Variants in TRIO observed in about 807,000 individuals in gnomAD.
TRIO encodes the protein trio Rho guanine nucleotide exchange factor.
In TRIO, 58 loss-of-function variants were observed where a neutral mutation model predicts 351.9. The ratio of observed to expected loss-of-function variants is 0.16; its 90% CI spans 0.13 to 0.21. The LOEUF is 0.21. Among genes scored for constraint, TRIO ranks in the 10% least tolerant of loss-of-function variants. The pLI is 1.00. For synonymous variants in TRIO, 1,758 were observed against 1,595.7 expected, an observed-to-expected ratio of 1.10 and a Z score of -2.42; for missense variants, 3,201 against 4,027.8, an observed-to-expected ratio of 0.79 and a Z score of 5.56.
Position 14,445,008 on chromosome 5 carries a change from G to A in TRIO, c.5204-16011G>A, listed in dbSNP as rs79698080. On this transcript the variant is annotated intron_variant, in intron 34 of 56. Transcript: ENST00000344204. ...GAGCAGGCACCCTCCTCGTTTAACTGTAATCTGTCTTTGGTATGTGCTCTT... is the reference window on the plus strand; with the variant it reads ...GAGCAGGCACCCTCCTCGTTTAACTATAATCTGTCTTTGGTATGTGCTCTT... Among the ~76,000 whole-genome samples, 192 of 152,294 alleles carry A rather than the reference G, an allele frequency of 1.3e-3. 1 individual carries two copies. The highest frequency in any genetic ancestry group is 4.2e-3 in the African/African-American group (176 of 41,552).
chr5:14,460,682 TC>T (rs1190441776), intron 34 of TRIO, among the ~76,000 whole-genome samples: 2 of 152,226 alleles, frequency 1.3e-5, no homozygotes, highest in African/African-American at 4.8e-5. Context: ...TCCTCCAATG[TC>T]CGCAGTACCA....
In TRIO at chr5:14,492,593, C is replaced by G; in HGVS notation, c.7659C>G (p.Ile2553Met). 6.2e-7 allele frequency: 1 copy of G among 1,614,112 alleles called. No individual in the cohort carries two copies. The highest frequency in any genetic ancestry group is 8.5e-7 in the Non-Finnish European group (1 of 1,180,012). Residue 2553 changes from isoleucine (I) to methionine (M), a missense_variant, in exon 49 of 57, where the codon ATC becomes ATG. Ile to Met is a conservative substitution (Grantham distance 10). Transcript: ENST00000344204. The stretch of plus-strand genomic sequence containing the variant: ...GTGAAAGCAGCAGCAGTAGCAACAT[C>G]TCCACCATGTTGGTGACACACGATT... The part of the protein sequence containing the change: ...NGSESSSSSN[I>M]STMLVTHDYT...
In TRIO at chr5:14,232,233, G is replaced by A. The variant is rs530465822; in HGVS notation, c.158-38592G>A. On this transcript the variant is annotated intron_variant, in intron 1 of 56. Coordinates refer to ENST00000344204, the MANE Select transcript of TRIO (RefSeq NM_007118.4). Reference sequence around the variant, plus strand: ...TTTCTGCCATATGGGGGCTTCTCCCGGTTCCGTGAGTGAGGCATGCCCTCC... The same window carrying A: ...TTTCTGCCATATGGGGGCTTCTCCCAGTTCCGTGAGTGAGGCATGCCCTCC... Among the ~76,000 whole-genome samples the A allele has an allele frequency of 1.1e-4, 16 of 152,240 alleles. No individual in the cohort carries two copies. In the South Asian group the frequency reaches 2.7e-3, roughly 26 times the overall value.
At chr5:14,318,643 A>T (rs1439968877) in intron 9 of TRIO, among the ~76,000 whole-genome samples, 1 of 152,210 alleles carries the variant, frequency 6.6e-6, no homozygotes, top group African/African-American at 2.4e-5. Flanking sequence ...TGCCAGAGAA[A>T]GAATACAGTG....
intron 48 of TRIO, 87 bp downstream of exon 48, chr5:14,488,347 TCGGCTG>T: frequency 4.8e-6 from 7 of 1,473,464 alleles, no homozygotes; most frequent in Non-Finnish European, 6.3e-6. Flanking sequence ...TCTCACTAAC[TCGGCTG>T]CCCAGCGCTC....
Position 14,362,180 on chromosome 5 carries a change from G to T in TRIO, c.2392-1552G>T, listed in dbSNP as rs913653416. 5.3e-5 allele frequency among the ~76,000 whole-genome samples: 8 copies of T among 152,348 alleles called. No homozygotes were observed. The East Asian group carries it at 1.3e-3, about 26-fold the overall frequency. On this transcript the variant is annotated intron_variant, in intron 13 of 56. Coordinates refer to ENST00000344204, the MANE Select transcript of TRIO (RefSeq NM_007118.4). The stretch of plus-strand genomic sequence containing the variant: ...GGACAGTACAGTGGAACTACCGTGT[G>T]CCTGTCCCACAGATTCAGCATGATT...
At chr5:14,282,252 A>G (rs1271063806) in intron 3 of TRIO, among the ~76,000 whole-genome samples, 1 of 152,234 alleles carries the variant, frequency 6.6e-6, no homozygotes, top group Non-Finnish European at 1.5e-5. Flanking sequence ...ATAAATAAAA[A>G]TAGAGTGTAA....
chr5:14,268,760 T>G (rs1465018952), intron 1 of TRIO, among the ~76,000 whole-genome samples: 1 of 152,228 alleles, frequency 6.6e-6, no homozygotes, highest in East Asian at 1.9e-4. Context: ...CTGCCTTGTT[T>G]TATAGGTGTT....
intron 1 of TRIO, among the ~76,000 whole-genome samples, chr5:14,146,525 G>C (rs1434032148): frequency 6.6e-6 from 1 of 152,172 alleles, no homozygotes; most frequent in African/African-American, 2.4e-5. Flanking sequence ...ACTAATACCA[G>C]TGGTTGGATG....
chr5:14,155,881 T>C (rs1026582555), intron 1 of TRIO, among the ~76,000 whole-genome samples: 4 of 152,238 alleles, frequency 2.6e-5, no homozygotes, highest in Admixed American at 6.5e-5. Flanking sequence ...TTTCATTTGC[T>C]AGTTGTAGCA....
intron 10 of TRIO, among the ~76,000 whole-genome samples, chr5:14,334,527 C>G (rs762154923): frequency 6.6e-6 from 1 of 152,232 alleles, no homozygotes; most frequent in Non-Finnish European, 1.5e-5. Context: ...TTGGGAGGCT[C>G]TGTCATCTTT....
intron 7 of TRIO, among the ~76,000 whole-genome samples, chr5:14,298,009 AG>A (rs1259776007): frequency 6.6e-6 from 1 of 152,156 alleles, no homozygotes; most frequent in Non-Finnish European, 1.5e-5. Flanking sequence ...CCTTGCTGCA[AG>A]GGGTGGGGGA....
intron 1 of TRIO, among the ~76,000 whole-genome samples, chr5:14,163,092 C>A (rs543420484): frequency 6.6e-6 from 1 of 152,146 alleles, no homozygotes; most frequent in Non-Finnish European, 1.5e-5. Context: ...TGGTTTGTTA[C>A]ACCTATCAAC....
At chr5:14,233,139 A>AGTTCAGGG (rs1342110139) in intron 1 of TRIO, among the ~76,000 whole-genome samples, 3 of 152,044 alleles carry the variant, frequency 2.0e-5, no homozygotes, top group African/African-American at 7.3e-5. Flanking sequence ...TCAGATACCT[A>AGTTCAGGG]GTTCAGGGGA....
intron 1 of TRIO, among the ~76,000 whole-genome samples, chr5:14,221,002 C>A (rs1792582916): frequency 6.6e-6 from 1 of 152,214 alleles, no homozygotes; most frequent in South Asian, 2.1e-4. Flanking sequence ...TTTAAAACTT[C>A]AGAGGACAGG....
At chr5:14,327,691 C>T (rs1171651417) in intron 9 of TRIO, among the ~76,000 whole-genome samples, 1 of 152,136 alleles carries the variant, frequency 6.6e-6, no homozygotes, top group Non-Finnish European at 1.5e-5. Context: ...GTCTCCTTAG[C>T]CCTCCTGTAG....
chr5:14,330,050 C>G (rs747360836), intron 9 of TRIO, among the ~76,000 whole-genome samples: 4 of 152,182 alleles, frequency 2.6e-5, no homozygotes, highest in African/African-American at 9.7e-5. Flanking sequence ...CAGGTCAACT[C>G]TAGTTTGTTA....
At chr5:14,364,857 A>G (rs1409835094) in intron 15 of TRIO, 41 bp downstream of exon 15, 12 of 1,579,530 alleles carry the variant, frequency 7.6e-6, no homozygotes, top group Non-Finnish European at 1.0e-5. Context: ...TGCGCTACAG[A>G]TGCTTGATAC....
At chr5:14,177,190 A>G (rs1789457353) in intron 1 of TRIO, among the ~76,000 whole-genome samples, 1 of 152,176 alleles carries the variant, frequency 6.6e-6, no homozygotes, top group South Asian at 2.1e-4. Context: ...GAGTGTTGAA[A>G]ACAGATTATT....
Sources: gnomAD v4.1 joint callset for allele counts (sites outside exome capture counted in the v4.1 genomes callset) on GRCh38, gnomAD v4.1.1 for gene constraint, MANE v1.5 for transcripts, NCBI Gene and HGNC (gene_info 2026-07-23, HGNC 2026-07-21) for gene names.